The following AKR1C4 variants were observed in gnomAD, a reference collection of about 807,000 sequenced individuals.
The protein encoded by AKR1C4 is 3-alpha-HSD1.
AKR1C4 carries 44 observed loss-of-function variants against 41.0 expected under a neutral mutation model. The ratio of observed to expected loss-of-function variants is 1.07; its 90% CI spans 0.84 to 1.38. AKR1C4 has a LOEUF of 1.38. AKR1C4 is among the 40% of genes most tolerant of loss of function. The probability of loss-of-function intolerance (pLI) is 0.00; values close to 1 mark genes in which losing one functional copy is unlikely to be tolerated. For missense variants in AKR1C4, 438 were observed against 387.9 expected (o/e 1.13, Z -1.09); for synonymous variants, 165 against 137.7 (o/e 1.20, Z -1.39).
chr10:5,214,730 G>C (rs1170440548), intron 7 of AKR1C4, among the ~76,000 whole-genome samples: 2 of 152,086 alleles, frequency 1.3e-5, no homozygotes, highest in Non-Finnish European at 2.9e-5. Flanking sequence ...AGAATACAAT[G>C]AATGCTTCTT....
At chr10:5,208,186 C>T (rs147289401) in intron 5 of AKR1C4, among the ~76,000 whole-genome samples, 1 of 151,716 alleles carries the variant, frequency 6.6e-6, no homozygotes, top group African/African-American at 2.4e-5. Flanking sequence ...TATTCTGATG[C>T]ACTGCTTTGC....
rs541712428 is a variant in AKR1C4, at chr10:5,210,249, T to C, written c.571-2367T>C. The stretch of plus-strand genomic sequence containing the variant: ...GGAACTCCATTTACATCCATGCTGA[T>C]GTAAGAGGTGGTTCCTATGTTCTTG... On this transcript the variant is annotated intron_variant, in intron 5 of 8. Transcript: ENST00000263126. 2.0e-3 allele frequency among the ~76,000 whole-genome samples: 306 copies of C among 152,314 alleles called. 3 individuals are homozygous for C. Among genetic ancestry groups the C allele is most frequent in the Admixed American group, 3.4e-3 (52 of 15,302 alleles).
intron 7 of AKR1C4, 122 bp from the exon 8 acceptor site, chr10:5,216,589 A>T: frequency 1.5e-6 from 1 of 647,532 alleles, no homozygotes; most frequent in Non-Finnish European, 2.7e-6. Flanking sequence ...GTCTTTCATA[A>T]CTTTTGGAAA....
chr10:5,217,401 T>A (rs1332957431), intron 8 of AKR1C4, among the ~76,000 whole-genome samples: 5 of 152,252 alleles, frequency 3.3e-5, no homozygotes, highest in African/African-American at 9.6e-5. Context: ...ACTCTTGGCT[T>A]TAATTTTTGC....
chr10:5,215,865 C>G (rs1015009047), intron 7 of AKR1C4, among the ~76,000 whole-genome samples: 4 of 152,204 alleles, frequency 2.6e-5, no homozygotes, highest in Non-Finnish European at 5.9e-5. Context: ...TCTGAACCCT[C>G]CTGACACTTC....
rs868910192 is a variant in AKR1C4, at chr10:5,205,781, G to A, written c.394G>A (p.Asp132Asn). ...GCCAGGTGAGACGCCACTACCAAAA[G>A]ATGAAAATGGAAAAGTAATATTCGA... ...LKPGETPLPK[D>N]ENGKVIFDTV... The change falls in exon 4 of 9, where the codon GAT becomes AAT. Residue 132 changes from aspartate to asparagine, a missense_variant. Physicochemically the swap from Asp to Asn is conservative, Grantham distance 23. Coordinates refer to ENST00000263126, the MANE Select transcript of AKR1C4 (RefSeq NM_001818.5). 6.2e-7 allele frequency: 1 copy of A among 1,613,558 alleles called. No homozygotes were observed. Among genetic ancestry groups the A allele is most frequent in the Non-Finnish European group, 8.5e-7 (1 of 1,179,634 alleles).
intron 1 of AKR1C4, among the ~76,000 whole-genome samples, chr10:5,199,257 G>A (rs1262850090): frequency 2.0e-5 from 3 of 152,116 alleles, no homozygotes; most frequent in Non-Finnish European, 4.4e-5. Flanking sequence ...TGATTTTTGT[G>A]AAGGTCAGTG....
At chr10:5,208,960 A>T (rs1329721121) in intron 5 of AKR1C4, among the ~76,000 whole-genome samples, 1 of 151,890 alleles carries the variant, frequency 6.6e-6, no homozygotes, top group African/African-American at 2.4e-5. Context: ...TTGGTCCGTT[A>T]ACTTGTTGTT....
intron 8 of AKR1C4, among the ~76,000 whole-genome samples, chr10:5,217,241 CT>C (rs1479066148): frequency 6.6e-6 from 1 of 152,218 alleles, no homozygotes; most frequent in Non-Finnish European, 1.5e-5. Context: ...CAGAAATTCT[CT>C]TCTCTTCCAT....
chr10:5,214,760 T>G (rs1832632067), intron 7 of AKR1C4, among the ~76,000 whole-genome samples: 1 of 151,492 alleles, frequency 6.6e-6, no homozygotes, highest in South Asian at 2.1e-4. Context: ...CATCAATTGT[T>G]AAATTGATGA....
chr10:5,215,545 C>G (rs782661831), intron 7 of AKR1C4, among the ~76,000 whole-genome samples: 4 of 152,120 alleles, frequency 2.6e-5, no homozygotes, highest in Non-Finnish European at 5.9e-5. Flanking sequence ...CATACCTGAT[C>G]ATAGGCTGTT....
intron 2 of AKR1C4, 59 bp downstream of exon 2, chr10:5,200,407 A>G: frequency 6.5e-7 from 1 of 1,540,218 alleles, no homozygotes; most frequent in Non-Finnish European, 8.8e-7. Flanking sequence ...TGTGGAGATG[A>G]CAATTCTGTA....
At chr10:5,218,586 A>G (rs190748293) in intron 8 of AKR1C4, 132 bp from the exon 9 acceptor site, 11 of 608,138 alleles carry the variant, frequency 1.8e-5, no homozygotes, top group African/African-American at 1.6e-4. Context: ...CATGAAAGAC[A>G]TTCTACAAAT....
intron 5 of AKR1C4, 147 bp downstream of exon 5, chr10:5,206,544 C>T (rs1191997753): frequency 8.5e-6 from 12 of 1,404,436 alleles, no homozygotes; most frequent in Non-Finnish European, 1.1e-5. Flanking sequence ...AAACGGAAGA[C>T]CCTTAATTGC....
At chr10:5,203,194 T>C (rs1036037790) in intron 2 of AKR1C4, among the ~76,000 whole-genome samples, 5 of 152,122 alleles carry the variant, frequency 3.3e-5, no homozygotes, top group Admixed American at 6.6e-5. Context: ...TGCATTTGTC[T>C]GCAGCACACT....
intron 3 of AKR1C4, among the ~76,000 whole-genome samples, chr10:5,205,045 A>G (rs1454368934): frequency 1.3e-5 from 2 of 152,078 alleles, no homozygotes; most frequent in South Asian, 2.1e-4. Context: ...AAATTTATAG[A>G]AAAAAAACTC....
intron 5 of AKR1C4, among the ~76,000 whole-genome samples, chr10:5,209,588 T>C (rs1588340845): frequency 6.6e-6 from 1 of 152,178 alleles, no homozygotes; most frequent in African/African-American, 2.4e-5. Flanking sequence ...ATAGTTCCAA[T>C]ATGGCTGAGG....
intron 5 of AKR1C4, 34 bp downstream of exon 5, chr10:5,206,431 T>G: frequency 6.2e-7 from 1 of 1,613,574 alleles, no homozygotes; most frequent in Non-Finnish European, 8.5e-7. Context: ...CTTTCTCTTC[T>G]CAATGTCCAT....
chr10:5,210,920 A>G (rs1273803869), intron 5 of AKR1C4, among the ~76,000 whole-genome samples: 1 of 152,146 alleles, frequency 6.6e-6, no homozygotes, highest in Non-Finnish European at 1.5e-5. Flanking sequence ...CCATACCTCA[A>G]TTCTTAACTT....
Sources: gnomAD v4.1 joint callset for allele counts (sites outside exome capture counted in the v4.1 genomes callset) on GRCh38, gnomAD v4.1.1 for gene constraint, MANE v1.5 for transcripts, NCBI Gene and HGNC (gene_info 2026-07-23, HGNC 2026-07-21) for gene names.